Variants in HERC2 observed in about 807,000 individuals in gnomAD.
The protein encoded by HERC2 is E3 ubiquitin-protein ligase HERC2.
A neutral mutation model predicts 537.7 loss-of-function variants in HERC2; 102 were observed. The ratio of observed to expected loss-of-function variants is 0.19; its 90% CI spans 0.16 to 0.22. The LOEUF (loss-of-function observed/expected upper bound fraction) is 0.22. HERC2 is among the 10% of genes least tolerant of loss of function. The pLI, the probability that HERC2 is intolerant of heterozygous loss-of-function variation, is 1.00. For missense variants in HERC2, 4,236 were observed against 6,198.2 expected, an observed-to-expected ratio of 0.68 and a Z score of 10.63; for synonymous variants, 2,224 against 2,466.2, an observed-to-expected ratio of 0.90 and a Z score of 2.91.
At chr15:28,162,051 G>A (rs1014539201) in intron 69 of HERC2, among the ~76,000 whole-genome samples, 4 of 152,192 alleles carry the variant, frequency 2.6e-5, no homozygotes, top group Non-Finnish European at 2.9e-5. Context: ...GAAGAAGGCC[G>A]GGCATGGTGG....
chr15:28,306,110 A>G (rs1248078231), intron 2 of HERC2, among the ~76,000 whole-genome samples: 2 of 152,226 alleles, frequency 1.3e-5, no homozygotes, highest in African/African-American at 4.8e-5. Flanking sequence ...ATTATATTGA[A>G]TAACAGTGGT....
rs377661664 is a variant in HERC2, at chr15:28,216,940, T to G, written c.6029-1138A>C. 1.7e-4 allele frequency among the ~76,000 whole-genome samples: 26 copies of G among 152,100 alleles called. 1 individual carries two copies. The highest frequency in any genetic ancestry group is 6.8e-3 in the Middle Eastern group (2 of 294). On this transcript the variant is annotated intron_variant, in intron 38 of 92. Transcript: ENST00000261609. ...CACTCACACCTTTACCCACACACTT[T>G]CTCACTTTGCACTCACACCTATACT...
At chr15:28,139,937 G>A (rs990371101) in intron 78 of HERC2, among the ~76,000 whole-genome samples, 7 of 151,398 alleles carry the variant, frequency 4.6e-5, no homozygotes, top group African/African-American at 1.5e-4. Context: ...GCGTGGTGGC[G>A]GGCGCCTGTT....
intron 3 of HERC2, among the ~76,000 whole-genome samples, chr15:28,296,971 T>A (rs1328408387): frequency 5.9e-5 from 9 of 152,214 alleles, no homozygotes; most frequent in Non-Finnish European, 1.2e-4. Context: ...AAAGGTGTGG[T>A]TCTCAGTATT....
intron 3 of HERC2, among the ~76,000 whole-genome samples, chr15:28,293,953 T>A (rs1363260601): frequency 1.3e-5 from 2 of 152,218 alleles, no homozygotes; most frequent in African/African-American, 4.8e-5. Context: ...ACACGTTCCA[T>A]CACAGAAGGC....
intron 38 of HERC2, among the ~76,000 whole-genome samples, chr15:28,216,938 T>C (rs1596256984): frequency 6.6e-6 from 1 of 152,048 alleles, no homozygotes; most frequent in Non-Finnish European, 1.5e-5. Flanking sequence ...ACCCACACAC[T>C]TTCTCACTTT....
chr15:28,182,666 G>A (rs758989020), intron 56 of HERC2, among the ~76,000 whole-genome samples, 154 bp from the exon 57 acceptor site: 6 of 149,658 alleles, frequency 4.0e-5, no homozygotes, highest in Non-Finnish European at 7.4e-5. Context: ...AAAACCTCAA[G>A]CATGTACAGG....
intron 2 of HERC2, among the ~76,000 whole-genome samples, chr15:28,303,741 A>G (rs186671439): frequency 1.3e-5 from 2 of 152,268 alleles, no homozygotes; most frequent in Admixed American, 1.3e-4. Flanking sequence ...ACTGTTTTAC[A>G]GTTTTCGTGG....
At chr15:28,151,963 T>A (rs1210590707) in intron 70 of HERC2, among the ~76,000 whole-genome samples, 6 of 152,188 alleles carry the variant, frequency 3.9e-5, no homozygotes. Flanking sequence ...ATGATTCCAC[T>A]AGAATAGCAC....
chr15:28,183,346 A>G (rs950695803), intron 56 of HERC2, among the ~76,000 whole-genome samples: 58 of 152,210 alleles, frequency 3.8e-4, no homozygotes, highest in African/African-American at 1.3e-3. Context: ...AACAGCTGGC[A>G]CTATAGGCCT....
In HERC2 at chr15:28,144,374, C is replaced by T. The variant is rs1256521407; in HGVS notation, c.11141-139G>A. The stretch of plus-strand genomic sequence containing the variant: ...GCTGGTGTGCCCACGCATGCCACTG[C>T]GAGTCGGTGAGACTCGCTCTTCACA... On this transcript the variant is annotated intron_variant, in intron 72 of 92. Coordinates refer to ENST00000261609, the MANE Select transcript of HERC2 (RefSeq NM_004667.6). 8.2e-6 allele frequency: 7 copies of T among 858,532 alleles called. No individual in the cohort carries two copies. The African/African-American group carries it at 8.5e-5, about 10-fold the overall frequency. 53.2% of individuals were successfully genotyped at this position (858,532 alleles called of 1,614,324 possible).
At chr15:28,236,261 T>C (rs1252685076) in intron 26 of HERC2, among the ~76,000 whole-genome samples, 1 of 152,064 alleles carries the variant, frequency 6.6e-6, no homozygotes, top group Non-Finnish European at 1.5e-5. Context: ...ATCCTTATTA[T>C]TATTATTTTT....
At position 28,213,847 on chromosome 15, in the gene HERC2, C is replaced by T. The variant is rs778274818; in HGVS notation, c.6681G>A (p.Glu2227=). The change falls in exon 42 of 93, where the codon GAG becomes GAA. Residue 2227 remains glutamate (E), a synonymous_variant. Transcript: ENST00000261609. ...TGCGAGTCACAGTGCCTTCTCCAAA[C>T]TCATCGTGCATAACTTGACCGCCCA... ...LRLGGQVMHD[E]FGEGTVTRIT... The T allele has an allele frequency of 3.7e-6, 6 of 1,614,048 alleles. No homozygotes were observed. Among genetic ancestry groups the T allele is most frequent in the South Asian group, 1.1e-5 (1 of 91,068 alleles).
rs139612007 is a variant in HERC2 at position 28,265,670 on chromosome 15, G to T, written c.1818C>A (p.Ile606=). The T allele has an allele frequency of 1.9e-6, 3 of 1,614,126 alleles. 1 individual carries two copies. The Middle Eastern group carries it at 5.0e-4, about 267-fold the overall frequency. The part of the protein sequence containing the change: ...LVAGLKGLKV[I]DVACGSGDAQ... Reference sequence around the variant, plus strand: ...CATCCCCACTCCCACACGCCACATCGATGACCTTCAGTCCTTTAAGCCCGG... The same window carrying T: ...CATCCCCACTCCCACACGCCACATCTATGACCTTCAGTCCTTTAAGCCCGG... Residue 606 remains isoleucine, a synonymous_variant, in exon 14 of 93, where the codon ATC becomes ATA. Coordinates refer to ENST00000261609, the MANE Select transcript of HERC2 (RefSeq NM_004667.6). This position sits in a 1 kb window ranked among gnomAD's most constrained non-coding sequence, Gnocchi z 4.0.
At chr15:28,140,418 G>A (rs1002904147) in intron 78 of HERC2, among the ~76,000 whole-genome samples, 2 of 152,190 alleles carry the variant, frequency 1.3e-5, no homozygotes, top group African/African-American at 4.8e-5. Flanking sequence ...ACTCTATAAA[G>A]AAGATACAAG....
intron 70 of HERC2, among the ~76,000 whole-genome samples, chr15:28,147,033 C>T (rs1293914476): frequency 3.6e-5 from 5 of 139,476 alleles, no homozygotes; most frequent in African/African-American, 8.3e-5. Flanking sequence ...CTGGGGGGGC[C>T]GCAGGAGGTG....
Position 28,196,170 on chromosome 15 carries a change from T to C in HERC2, c.8260+45A>G, listed in dbSNP as rs1897326902. 3.0e-6 allele frequency: 4 copies of C among 1,317,664 alleles called. No homozygotes were observed. The South Asian group carries it at 5.6e-5, about 18-fold the overall frequency. 81.6% of individuals were successfully genotyped at this position (1,317,664 alleles called of 1,614,324 possible). A position where few individuals can be genotyped will look rare whatever the true frequency, so the allele number is the denominator to read the frequency against. Reference sequence around the variant, plus strand: ...TACACTGTGGTCCACAATAAGTATTTCATTAATATTTGGTGGAAGAGAGAA... The same window carrying C: ...TACACTGTGGTCCACAATAAGTATTCCATTAATATTTGGTGGAAGAGAGAA... On this transcript the variant is annotated intron_variant, in intron 52 of 92. Transcript: ENST00000261609.
In HERC2 at chr15:28,213,910, G is replaced by A; in HGVS notation, c.6618C>T (p.Val2206=). ...CATCGATGCCTCCAATCACAGCCAG[G>A]ACTGCCATGAGGCCCCCCACTTCAG... is the stretch of plus-strand genomic sequence containing the variant. ...ENPEVGGLMA[V]LAVIGGIDGR... The change falls in exon 42 of 93, where the codon GTC becomes GTT. Residue 2206 remains valine, a synonymous_variant. Transcript: ENST00000261609. 1 of 1,614,090 alleles carries A rather than the reference G, an allele frequency of 6.2e-7. No homozygotes were observed. The highest frequency in any genetic ancestry group is 8.5e-7 in the Non-Finnish European group (1 of 1,180,038).
At chr15:28,310,848 C>T (rs1161118750) in intron 2 of HERC2, among the ~76,000 whole-genome samples, 14 of 151,870 alleles carry the variant, frequency 9.2e-5, no homozygotes, top group African/African-American at 2.2e-4. Flanking sequence ...GAGGCCGAAG[C>T]GGGTGGATCA....
Sources: gnomAD v4.1 joint callset for allele counts (sites outside exome capture counted in the v4.1 genomes callset) on GRCh38, gnomAD v4.1.1 for gene constraint, Gnocchi (gnomAD v3.1) non-coding constraint, MANE v1.5 for transcripts, NCBI Gene and HGNC (gene_info 2026-07-23, HGNC 2026-07-21) for gene names.